The following TSPEAR variants were observed in gnomAD, a reference collection of about 807,000 sequenced individuals.
The protein encoded by TSPEAR is thrombospondin type laminin G domain and EAR repeats.
In TSPEAR, 69 loss-of-function variants were observed where a neutral mutation model predicts 71.6. The observed-to-expected ratio is 0.96, with a 90% CI of 0.79 to 1.18. The LOEUF (loss-of-function observed/expected upper bound fraction) is 1.18, where lower values mean the gene tolerates loss of function less well. Among genes scored for constraint, TSPEAR ranks in the 50% most tolerant of loss-of-function variants. The probability of loss-of-function intolerance (pLI) is 0.00; values close to 1 mark genes in which losing one functional copy is unlikely to be tolerated. For synonymous variants in TSPEAR, 402 were observed against 387.2 expected, an observed-to-expected ratio of 1.04 and a Z score of -0.45; for missense variants, 971 against 894.9, an observed-to-expected ratio of 1.09 and a Z score of -1.09.
At chr21:44,529,731 C>T (rs1232638230) in intron 5 of TSPEAR, 67 bp downstream of exon 5, 30 of 1,584,946 alleles carry the variant, frequency 1.9e-5, no homozygotes, top group African/African-American at 2.7e-5. Flanking sequence ...CCTGAGTTCC[C>T]GCCTGGTGTG....
intron 2 of TSPEAR, among the ~76,000 whole-genome samples, chr21:44,540,683 G>A (rs1477549583): frequency 1.3e-5 from 2 of 152,188 alleles, no homozygotes; most frequent in African/African-American, 4.8e-5. Context: ...AGTGGCCAGC[G>A]AACCCCACAG....
In TSPEAR at chr21:44,499,283, TAG is replaced by T. The variant is rs2051981658; in HGVS notation, c.*498_*499del. The T allele has an allele frequency of 6.5e-6, 1 of 152,946 alleles. No homozygotes were observed. The highest frequency in any genetic ancestry group is 2.0e-4 in the South Asian group (1 of 4,884). The allele number at this position is 152,946 out of a possible 1,614,324, so 9.5% of individuals were successfully genotyped here. ...TGAGGGGCTGTGCCCACCCGCTGCC[TAG>T]AGAGGAGCACCGGTGCTTTTGTAAA... On this transcript the variant is annotated 3_prime_UTR_variant, in exon 12 of 12. Coordinates refer to ENST00000323084, the MANE Select transcript of TSPEAR (RefSeq NM_144991.3).
chr21:44,553,544 TAACA>T (rs1218991599), intron 2 of TSPEAR, among the ~76,000 whole-genome samples: 1 of 151,732 alleles, frequency 6.6e-6, no homozygotes, highest in Non-Finnish European at 1.5e-5. Context: ...AGAGAAAAGA[TAACA>T]AACAGAGTGT....
In TSPEAR at chr21:44,687,094, G is replaced by T. The variant is rs563795656; in HGVS notation, c.82+24339C>A. ...GAGCCTGGAAACCAAGCCACAGGAC[G>T]AAGGGCTGCGGGAAGAAGGAGGCTG... is the stretch of plus-strand genomic sequence containing the variant. On this transcript the variant is annotated intron_variant, in intron 1 of 11. Transcript: ENST00000323084. The surrounding 1 kb of genome is among the most constrained non-coding windows in gnomAD (Gnocchi z 4.4). 6.6e-6 allele frequency among the ~76,000 whole-genome samples: 1 copy of T among 152,194 alleles called. No homozygotes were observed. Among genetic ancestry groups the T allele is most frequent in the East Asian group, 1.9e-4 (1 of 5,202 alleles).
chr21:44,575,314 CCTT>C, intron 1 of TSPEAR: 1 of 428,714 alleles, frequency 2.3e-6, no homozygotes, highest in East Asian at 4.5e-5. Flanking sequence ...AGCCGCAGAG[CCTT>C]CTTTGGACGC....
intron 1 of TSPEAR, among the ~76,000 whole-genome samples, chr21:44,572,867 A>ACG (rs1833352964): frequency 6.6e-6 from 1 of 151,150 alleles, no homozygotes; most frequent in Non-Finnish European, 1.5e-5. Flanking sequence ...ACACACACAC[A>ACG]CACACACACA....
At chr21:44,596,213 G>A (rs1601463782) in intron 1 of TSPEAR, among the ~76,000 whole-genome samples, 5 of 152,268 alleles carry the variant, frequency 3.3e-5, no homozygotes, top group East Asian at 3.9e-4. Flanking sequence ...CTTTCCATGC[G>A]GCCTCAACGG....
At chr21:44,675,944 G>A (rs1404922621) in intron 1 of TSPEAR, 16 of 817,584 alleles carry the variant, frequency 2.0e-5, no homozygotes, top group Middle Eastern at 2.3e-4. Context: ...TATCTGTTTC[G>A]TTTCTAGGGT....
chr21:44,582,998 CT>C (rs1297209046), intron 1 of TSPEAR, among the ~76,000 whole-genome samples: 1 of 15,374 alleles, frequency 6.5e-5, no homozygotes, highest in Non-Finnish European at 2.9e-4. Context: ...ATTTTTCTTT[CT>C]TTCTTTTTTT....
Position 44,681,962 on chromosome 21 carries a change from C to T in TSPEAR, c.82+29471G>A, listed in dbSNP as rs375391178. ...CGGGCCTGCAGCTCACGGGCACGCA[C>T]ACAGAGGACTGGCATCTCACGGGCA... is the stretch of plus-strand genomic sequence containing the variant. On this transcript the variant is annotated intron_variant, in intron 1 of 11. Coordinates refer to ENST00000323084, the MANE Select transcript of TSPEAR (RefSeq NM_144991.3). 65 of 1,613,848 alleles carry T rather than the reference C, an allele frequency of 4.0e-5. No individual in the cohort carries two copies. In the African/African-American group the frequency reaches 6.1e-4, roughly 15 times the overall value.
At chr21:44,529,318 G>A (rs2052919964) in intron 5 of TSPEAR, among the ~76,000 whole-genome samples, 2 of 152,348 alleles carry the variant, frequency 1.3e-5, no homozygotes, top group Admixed American at 6.5e-5. Context: ...AAAATCAAGC[G>A]GGGAGGCCCT....
In TSPEAR at chr21:44,593,325, G is replaced by A. The variant is rs587725428; in HGVS notation, c.83-25320C>T. 2.8e-4 allele frequency among the ~76,000 whole-genome samples: 43 copies of A among 152,268 alleles called. No homozygotes were observed. The highest frequency in any genetic ancestry group is 9.1e-4 in the African/African-American group (38 of 41,554). ...CAGCCCCCACCCAGCCTCCTGCTGG[G>A]CCCATTTCCCAGCCCTGTCTTCCAA... On this transcript the variant is annotated intron_variant, in intron 1 of 11. Transcript: ENST00000323084. The surrounding 1 kb of genome is among the most constrained non-coding windows in gnomAD (Gnocchi z 5.9).
At chr21:44,658,057 G>GC in intron 1 of TSPEAR, 1 of 1,611,848 alleles carries the variant, frequency 6.2e-7, no homozygotes, top group Non-Finnish European at 8.5e-7. Context: ...CCTGCTATGT[G>GC]CCCGTGAGCT....
chr21:44,671,558 CAAGCT>C (rs1175776101), intron 1 of TSPEAR, among the ~76,000 whole-genome samples: 9 of 152,242 alleles, frequency 5.9e-5, no homozygotes, highest in Admixed American at 5.9e-4. Flanking sequence ...CAACCACAGC[CAAGCT>C]GCTGAGGAAA....
intron 1 of TSPEAR, among the ~76,000 whole-genome samples, chr21:44,667,139 G>T (rs1555945048): frequency 1.3e-5 from 2 of 152,188 alleles, no homozygotes. Context: ...AAACCTGCCA[G>T]AGTGTTTTAC....
intron 3 of TSPEAR, among the ~76,000 whole-genome samples, chr21:44,532,778 G>A (rs587683481): frequency 4.6e-5 from 7 of 152,310 alleles, no homozygotes; most frequent in African/African-American, 1.2e-4. Flanking sequence ...GGGACCTACC[G>A]TCAGGCCACA....
In TSPEAR at chr21:44,687,723, C is replaced by G. The variant is rs1435285775; in HGVS notation, c.82+23710G>C. Among the ~76,000 whole-genome samples the G allele has an allele frequency of 1.3e-5, 2 of 152,188 alleles. No homozygotes were observed. The highest frequency in any genetic ancestry group is 2.1e-4 in the South Asian group (1 of 4,834). ...GTCCTCTCCCAGCCAGGAGGGAAGC[C>G]AGGACCACCCTCTCCCCTGGGCCTT... On this transcript the variant is annotated intron_variant, in intron 1 of 11. Coordinates refer to ENST00000323084, the MANE Select transcript of TSPEAR (RefSeq NM_144991.3). This position sits in a 1 kb window ranked among gnomAD's most constrained non-coding sequence, Gnocchi z 4.4.
At chr21:44,556,351 G>A (rs587759139) in intron 2 of TSPEAR, among the ~76,000 whole-genome samples, 2 of 151,868 alleles carry the variant, frequency 1.3e-5, no homozygotes, top group South Asian at 4.2e-4. Flanking sequence ...ACTCTAGCCT[G>A]GCAACAGAGT....
In TSPEAR at chr21:44,573,036, C is replaced by G. The variant is rs117865093; in HGVS notation, c.83-5031G>C. On this transcript the variant is annotated intron_variant, in intron 1 of 11. Transcript: ENST00000323084. The stretch of plus-strand genomic sequence containing the variant: ...GAAGGAACCCATGCTGTCCACTGTC[C>G]ACACCTCGATCTCAGACTTCTGGCT... Among the ~76,000 whole-genome samples the G allele has an allele frequency of 4.7e-4, 71 of 152,198 alleles. 1 individual carries two copies. In the East Asian group the frequency reaches 0.011, roughly 23 times the overall value.
Sources: gnomAD v4.1 joint callset for allele counts (sites outside exome capture counted in the v4.1 genomes callset) on GRCh38, gnomAD v4.1.1 for gene constraint, Gnocchi (gnomAD v3.1) non-coding constraint, MANE v1.5 for transcripts, NCBI Gene and HGNC (gene_info 2026-07-23, HGNC 2026-07-21) for gene names.